Variants in RSPH4A observed in about 807,000 individuals in gnomAD.
The protein encoded by RSPH4A is radial spoke head protein 4 homolog A.
In RSPH4A, 47 loss-of-function variants were observed where a neutral mutation model predicts 71.0. The ratio of observed to expected loss-of-function variants is 0.66; its 90% CI spans 0.52 to 0.84. The LOEUF (loss-of-function observed/expected upper bound fraction) is 0.84, where lower values mean the gene tolerates loss of function less well. RSPH4A is among the 40% of genes least tolerant of loss of function. RSPH4A has a pLI of 0.00. For synonymous variants in RSPH4A, 282 were observed against 302.3 expected (o/e 0.93, Z 0.70); for missense variants, 793 against 855.2 (o/e 0.93, Z 0.91).
Position 116,628,315 on chromosome 6 carries a change from T to A in RSPH4A, c.1608T>A (p.Asp536Glu). ...ATTTTGAAGGCATCCAAGTGATTGA[T>A]CTAGTAGAATCCCTATCCAATTGGG... ...NPDFEGIQVIDLVESLSNWVH... is the reference protein window; with the variant it reads ...NPDFEGIQVIELVESLSNWVH... The change falls in exon 3 of 6, where the codon GAT (aspartate) becomes GAA (glutamate). Residue 536 changes from aspartate (D) to glutamate (E), a missense_variant. By Grantham distance (45) the Asp-to-Glu change is conservative. Coordinates refer to ENST00000229554, the MANE Select transcript of RSPH4A (RefSeq NM_001010892.3). The A allele has an allele frequency of 1.9e-6, 3 of 1,612,672 alleles. No individual in the cohort carries two copies. The highest frequency in any genetic ancestry group is 1.7e-4 in the Middle Eastern group (1 of 6,046).
chr6:116,626,256 G>A (rs74716661), intron 2 of RSPH4A, among the ~76,000 whole-genome samples: 8,343 of 152,222 alleles, frequency 0.055, 659 homozygotes, highest in African/African-American at 0.18. Flanking sequence ...GAGCTCTCAA[G>A]TTTTTCATCT....
chr6:116,623,965 G>A (rs1015128719), intron 2 of RSPH4A, among the ~76,000 whole-genome samples: 1 of 152,092 alleles, frequency 6.6e-6, no homozygotes, highest in Admixed American at 6.6e-5. Flanking sequence ...AACTTCAAAT[G>A]TTTCAAAATA....
At chr6:116,620,786 C>T (rs1179525754) in intron 1 of RSPH4A, among the ~76,000 whole-genome samples, 1 of 152,144 alleles carries the variant, frequency 6.6e-6, no homozygotes, top group Non-Finnish European at 1.5e-5. Flanking sequence ...GCAAATCAAA[C>T]CCTTTCATTA....
chr6:116,629,783 T>C (rs886328978), intron 4 of RSPH4A, 81 bp downstream of exon 4: 6 of 1,336,096 alleles, frequency 4.5e-6, no homozygotes, highest in Non-Finnish European at 5.3e-6. Flanking sequence ...AATATGAGAG[T>C]CGGAAAGCTC....
chr6:116,621,212 G>T (rs190950385), intron 1 of RSPH4A, among the ~76,000 whole-genome samples: 2 of 152,210 alleles, frequency 1.3e-5, no homozygotes, highest in Non-Finnish European at 2.9e-5. Context: ...AAGTTTTAAA[G>T]AAACTCCTAG....
At chr6:116,628,756 A>T (rs1775742368) in intron 3 of RSPH4A, among the ~76,000 whole-genome samples, 1 of 152,194 alleles carries the variant, frequency 6.6e-6, no homozygotes, top group Non-Finnish European at 1.5e-5. Flanking sequence ...TCTATAATAC[A>T]TGTAGCTTTT....
Position 116,627,856 on chromosome 6 carries a change from A to G in RSPH4A, c.1149A>G (p.Glu383=). Residue 383 remains glutamate (E), a synonymous_variant, in exon 3 of 6, where the codon GAA becomes GAG. Transcript: ENST00000229554. Reference sequence around the variant, plus strand: ...AGGGGGAAGATGAAGAGGAAGTGGAAGAGGAAGATGTAGCTGAAGAGAGGG... The same window carrying G: ...AGGGGGAAGATGAAGAGGAAGTGGAGGAGGAAGATGTAGCTGAAGAGAGGG... ...FREGEDEEEV[E]EEDVAEERDN... 1 of 1,613,940 alleles carries G rather than the reference A, an allele frequency of 6.2e-7. No homozygotes were observed. The highest frequency in any genetic ancestry group is 8.5e-7 in the Non-Finnish European group (1 of 1,179,794).
intron 2 of RSPH4A, among the ~76,000 whole-genome samples, 158 bp downstream of exon 2, chr6:116,623,160 G>A (rs914709680): frequency 9.9e-5 from 15 of 151,508 alleles, no homozygotes; most frequent in African/African-American, 3.4e-4. Flanking sequence ...GTACAATGGC[G>A]TGATCTTGGC....
chr6:116,620,071 G>T (rs1399018437), intron 1 of RSPH4A, among the ~76,000 whole-genome samples: 1 of 152,160 alleles, frequency 6.6e-6, no homozygotes, highest in Non-Finnish European at 1.5e-5. Context: ...AATGTAATTT[G>T]CTACTCCATA....
intron 3 of RSPH4A, among the ~76,000 whole-genome samples, chr6:116,629,201 A>C (rs1490467303): frequency 6.6e-6 from 1 of 152,222 alleles, no homozygotes; most frequent in African/African-American, 2.4e-5. Context: ...CCACATTTAA[A>C]TGTTATTGTT....
At chr6:116,629,461 G>C in intron 3 of RSPH4A, 106 bp from the exon 4 acceptor site, 1 of 1,160,472 alleles carries the variant, frequency 8.6e-7, no homozygotes, top group South Asian at 1.3e-5. Context: ...ATGAATAATT[G>C]ATTAAATTCC....
intron 2 of RSPH4A, among the ~76,000 whole-genome samples, chr6:116,623,953 T>G (rs1257489070): frequency 6.6e-6 from 1 of 152,208 alleles, no homozygotes; most frequent in Non-Finnish European, 1.5e-5. Context: ...CACAGAAATT[T>G]TAACTTCAAA....
chr6:116,624,921 T>C (rs1222940420), intron 2 of RSPH4A, among the ~76,000 whole-genome samples: 7 of 152,180 alleles, frequency 4.6e-5, no homozygotes, highest in Admixed American at 1.3e-4. Flanking sequence ...ATTTGATTAG[T>C]GCAATAAAGA....
Position 116,622,946 on chromosome 6 carries a change from G to T in RSPH4A, c.865G>T (p.Ala289Ser). Residue 289 changes from alanine to serine, a missense_variant, in exon 2 of 6, where the codon GCT (alanine) becomes TCT (serine). Ala to Ser is a moderately conservative substitution (Grantham distance 99). Transcript: ENST00000229554. Reference sequence around the variant, plus strand: ...ATATGAAATAGCAGAAAAGCAAAAGGCTCTTTTTCTCCAGGGACATTTGGA... The same window carrying T: ...ATATGAAATAGCAGAAAAGCAAAAGTCTCTTTTTCTCCAGGGACATTTGGA... Reference protein sequence around the residue: ...PTYEIAEKQKALFLQGHLEGV... With the variant: ...PTYEIAEKQKSLFLQGHLEGV... 1 of 1,613,802 alleles carries T rather than the reference G, an allele frequency of 6.2e-7. No homozygotes were observed. Among genetic ancestry groups the T allele is most frequent in the Non-Finnish European group, 8.5e-7 (1 of 1,179,868 alleles).
In RSPH4A at chr6:116,629,520, T is replaced by C. The variant is rs199865190; in HGVS notation, c.1663-47T>C. On this transcript the variant is annotated intron_variant, in intron 3 of 5. Transcript: ENST00000229554. Reference sequence around the variant, plus strand: ...TCAATTCAAATGAATAATCTGAAATTTTAAGGTCCCCATTAGACTACTAAA... The same window carrying C: ...TCAATTCAAATGAATAATCTGAAATCTTAAGGTCCCCATTAGACTACTAAA... 258 of 1,599,680 alleles carry C rather than the reference T, an allele frequency of 1.6e-4. 5 individuals carry two copies. In the East Asian group the frequency reaches 4.3e-3, roughly 26 times the overall value.
intron 2 of RSPH4A, among the ~76,000 whole-genome samples, chr6:116,627,226 G>A (rs1775710766): frequency 1.3e-5 from 2 of 152,114 alleles, no homozygotes; most frequent in Admixed American, 1.3e-4. Flanking sequence ...TTTTGGAGAT[G>A]GAGTCTTGCT....
At position 116,629,520 on chromosome 6, in the gene RSPH4A, T is replaced by G. The variant is rs199865190; in HGVS notation, c.1663-47T>G. 3.1e-6 allele frequency: 5 copies of G among 1,599,566 alleles called. No homozygotes were observed. The African/African-American group carries it at 5.4e-5, about 17-fold the overall frequency. ...TCAATTCAAATGAATAATCTGAAATTTTAAGGTCCCCATTAGACTACTAAA... is the reference window on the plus strand; with the variant it reads ...TCAATTCAAATGAATAATCTGAAATGTTAAGGTCCCCATTAGACTACTAAA... On this transcript the variant is annotated intron_variant, in intron 3 of 5. Transcript: ENST00000229554.
In RSPH4A at chr6:116,632,381, A is replaced by G; in HGVS notation, c.2091A>G (p.Leu697=). The change falls in exon 6 of 6, where the codon CTA becomes CTG. Residue 697 remains leucine, a synonymous_variant. Coordinates refer to ENST00000229554, the MANE Select transcript of RSPH4A (RefSeq NM_001010892.3). ...QAFRAAQEAV[L]LAAENEESEE... is the part of the protein sequence containing the mutation. Reference sequence around the variant, plus strand: ...TCAGGGCTGCACAAGAAGCAGTTCTACTCGCAGCTGAGAATGAAGAATCTG... The same window carrying G: ...TCAGGGCTGCACAAGAAGCAGTTCTGCTCGCAGCTGAGAATGAAGAATCTG... 6.2e-7 allele frequency: 1 copy of G among 1,614,018 alleles called. No homozygotes were observed. Among genetic ancestry groups the G allele is most frequent in the Non-Finnish European group, 8.5e-7 (1 of 1,179,976 alleles).
At position 116,627,880 on chromosome 6, in the gene RSPH4A, G is replaced by C; in HGVS notation, c.1173G>C (p.Arg391Ser). The change falls in exon 3 of 6, where the codon AGG (arginine) becomes AGC (serine). Residue 391 changes from arginine (R) to serine (S), a missense_variant. Coordinates refer to ENST00000229554, the MANE Select transcript of RSPH4A (RefSeq NM_001010892.3). The stretch of plus-strand genomic sequence containing the variant: ...AAGAGGAAGATGTAGCTGAAGAGAG[G>C]GACAATGGAGAAAGTGAAGCTCATG... ...EVEEEDVAEE[R>S]DNGESEAHED... 1 of 1,613,422 alleles carries C rather than the reference G, an allele frequency of 6.2e-7. No individual in the cohort carries two copies. Among genetic ancestry groups the C allele is most frequent in the Non-Finnish European group, 8.5e-7 (1 of 1,179,492 alleles).
Sources: gnomAD v4.1 joint callset for allele counts (sites outside exome capture counted in the v4.1 genomes callset) on GRCh38, gnomAD v4.1.1 for gene constraint, MANE v1.5 for transcripts, NCBI Gene and HGNC (gene_info 2026-07-23, HGNC 2026-07-21) for gene names.